The following ST8SIA6 variants were observed in gnomAD, a reference collection of about 807,000 sequenced individuals.
The protein encoded by ST8SIA6 is ST8 alpha-N-acetyl-neuraminide alpha-2,8-sialyltransferase 6, also known as alpha-2,8-sialyltransferase 8F.
In ST8SIA6, 39 loss-of-function variants were observed where a neutral mutation model predicts 33.6. The observed-to-expected ratio is 1.16, with a 90% confidence interval of 0.90 to 1.52. The LOEUF (loss-of-function observed/expected upper bound fraction) is 1.52. Among genes scored for constraint, ST8SIA6 ranks in the 40% most tolerant of loss-of-function variants. The pLI, the probability that ST8SIA6 is intolerant of heterozygous loss-of-function variation, is 0.00. For missense variants in ST8SIA6, 441 were observed against 443.8 expected, an observed-to-expected ratio of 0.99 and a Z score of 0.06; for synonymous variants, 172 against 167.2, an observed-to-expected ratio of 1.03 and a Z score of -0.22.
At chr10:17,452,787 G>A (rs542696837) in intron 2 of ST8SIA6, among the ~76,000 whole-genome samples, 2 of 152,118 alleles carry the variant, frequency 1.3e-5, no homozygotes, top group Non-Finnish European at 2.9e-5. Flanking sequence ...TGTTTTTGTG[G>A]GGGGAGGGGA....
intron 2 of ST8SIA6, among the ~76,000 whole-genome samples, chr10:17,399,696 G>A (rs1353688379): frequency 1.3e-5 from 2 of 151,774 alleles, no homozygotes; most frequent in East Asian, 2.0e-4. Flanking sequence ...GTAGGGGAGG[G>A]TCTTGAGCCT....
At chr10:17,324,173 G>C (rs1848051178) in intron 6 of ST8SIA6, among the ~76,000 whole-genome samples, 1 of 152,126 alleles carries the variant, frequency 6.6e-6, no homozygotes, top group Admixed American at 6.5e-5. Context: ...TGAATTTCAA[G>C]TAGTAAGGCT....
intron 2 of ST8SIA6, among the ~76,000 whole-genome samples, chr10:17,399,474 GC>G (rs1379733419): frequency 1.3e-5 from 2 of 152,098 alleles, no homozygotes; most frequent in Non-Finnish European, 2.9e-5. Context: ...GCTTAAAATT[GC>G]AAAAATGTCT....
intron 2 of ST8SIA6, among the ~76,000 whole-genome samples, chr10:17,400,711 C>A (rs1381891408): frequency 2.0e-5 from 3 of 152,132 alleles, no homozygotes; most frequent in African/African-American, 7.2e-5. Context: ...CAGAAAAGGC[C>A]TTTGACAAAA....
At chr10:17,400,681 C>T (rs60976583) in intron 2 of ST8SIA6, among the ~76,000 whole-genome samples, 8,164 of 152,224 alleles carry the variant, frequency 0.054, 737 homozygotes, top group African/African-American at 0.18. Flanking sequence ...ACAAAAACCA[C>T]ATGATTATCT....
intron 2 of ST8SIA6, among the ~76,000 whole-genome samples, chr10:17,421,612 G>C (rs889528734): frequency 2.6e-5 from 4 of 152,032 alleles, no homozygotes; most frequent in Non-Finnish European, 5.9e-5. Flanking sequence ...GCTCAGGCTA[G>C]AGTGTAGTGG....
At chr10:17,334,620 A>G (rs2131589831) in intron 4 of ST8SIA6, among the ~76,000 whole-genome samples, 1 of 151,930 alleles carries the variant, frequency 6.6e-6, no homozygotes, top group South Asian at 2.1e-4. Flanking sequence ...TCACTAAAAC[A>G]ATACATAATC....
chr10:17,419,569 G>A (rs373122095), intron 2 of ST8SIA6, among the ~76,000 whole-genome samples: 2 of 152,106 alleles, frequency 1.3e-5, no homozygotes, highest in East Asian at 3.9e-4. Context: ...AAAAAATAAC[G>A]ACTCCACACA....
intron 5 of ST8SIA6, among the ~76,000 whole-genome samples, chr10:17,329,654 G>A (rs866343822): frequency 6.6e-6 from 1 of 152,148 alleles, no homozygotes; most frequent in Middle Eastern, 3.2e-3. Flanking sequence ...ATTACTGAAG[G>A]AAACATATCT....
intron 3 of ST8SIA6, among the ~76,000 whole-genome samples, chr10:17,371,072 T>C (rs1462002844): frequency 6.6e-6 from 1 of 152,168 alleles, no homozygotes; most frequent in Admixed American, 6.5e-5. Flanking sequence ...GATTTGAAGG[T>C]AGCCAATAAG....
rs375005223 is a variant in ST8SIA6, at chr10:17,426,654, C to T, written c.200+26905G>A. ...GTGGAAGTTGACTTGCAAGCACTTTCGTTGTAAGACCTGAGGGGCTACGGG... is the reference window on the plus strand; with the variant it reads ...GTGGAAGTTGACTTGCAAGCACTTTTGTTGTAAGACCTGAGGGGCTACGGG... On this transcript the variant is annotated intron_variant, in intron 2 of 7. Coordinates refer to ENST00000377602, the MANE Select transcript of ST8SIA6 (RefSeq NM_001004470.3). Among the ~76,000 whole-genome samples the T allele has an allele frequency of 2.4e-3, 361 of 152,304 alleles. 2 individuals are homozygous for T. The highest frequency in any genetic ancestry group is 4.1e-3 in the Non-Finnish European group (277 of 68,028).
Position 17,454,109 on chromosome 10 carries a change from G to GGCGGGGCGCGCGGC in ST8SIA6, c.101+32_101+45dup, listed in dbSNP as rs1320419792. 1 of 258,696 alleles carries GGCGGGGCGCGCGGC rather than the reference G, an allele frequency of 3.9e-6. No homozygotes were observed. The highest frequency in any genetic ancestry group is 2.3e-5 in the African/African-American group (1 of 44,228). 16.0% of individuals were successfully genotyped at this position (258,696 alleles called of 1,614,324 possible). Reference sequence around the variant, plus strand: ...GCGGCTTGGGGGTCCGGGGGCGCCAGGCGGGGCGCGCGGCGCGGGGCGCGG... The same window carrying GGCGGGGCGCGCGGC: ...GCGGCTTGGGGGTCCGGGGGCGCCAGGCGGGGCGCGCGGCGCGGGGCGCGCGGCGCGGGGCGCGG... On this transcript the variant is annotated intron_variant, in intron 1 of 7. Transcript: ENST00000377602. This position sits in a 1 kb window ranked among gnomAD's most constrained non-coding sequence, Gnocchi z 4.1.
At chr10:17,401,512 G>A (rs532264300) in intron 2 of ST8SIA6, among the ~76,000 whole-genome samples, 23 of 152,202 alleles carry the variant, frequency 1.5e-4, no homozygotes, top group South Asian at 4.1e-4. Context: ...GAAGCATCAC[G>A]CTACCTGACT....
intron 2 of ST8SIA6, among the ~76,000 whole-genome samples, chr10:17,430,855 ATTCC>A (rs1480639107): frequency 2.0e-5 from 3 of 152,070 alleles, no homozygotes; most frequent in African/African-American, 7.2e-5. Context: ...TCTGCTGATT[ATTCC>A]TTTTATGTTC....
At chr10:17,369,965 G>A (rs1041797221) in intron 3 of ST8SIA6, among the ~76,000 whole-genome samples, 16 of 148,522 alleles carry the variant, frequency 1.1e-4, no homozygotes, top group African/African-American at 3.9e-4. Context: ...ATTGGATCAT[G>A]TTTTTAATTC....
chr10:17,437,651 TTCCTTCC>T (rs879465727), intron 2 of ST8SIA6, among the ~76,000 whole-genome samples: 2,009 of 143,684 alleles, frequency 0.014, 70 homozygotes, highest in Admixed American at 0.068. Flanking sequence ...CCTTCCTTCC[TTCCTTCC>T]TTCCTTCTGT....
Position 17,321,026 on chromosome 10 carries a change from A to G in ST8SIA6, c.1049T>C (p.Val350Ala), listed in dbSNP as rs753062683. 4 of 1,614,066 alleles carry G rather than the reference A, an allele frequency of 2.5e-6. No homozygotes were observed. In the Admixed American group the frequency reaches 6.7e-5, roughly 27 times the overall value. ...LYGFWPFSKT[V>A]EDIPVSHHYY... ...GTGATGGCTGACAGGTATGTCTTCTACAGTTTTAGAGAAGGGCCAGAATCC... is the reference window on the plus strand; with the variant it reads ...GTGATGGCTGACAGGTATGTCTTCTGCAGTTTTAGAGAAGGGCCAGAATCC... The change falls in exon 8 of 8, where the codon GTA (valine) becomes GCA (alanine). Residue 350 changes from valine to alanine, a missense_variant. By Grantham distance (64) the Val-to-Ala change is moderately conservative (BLOSUM62 0). Transcript: ENST00000377602.
At chr10:17,420,905 G>A (rs969855489) in intron 2 of ST8SIA6, among the ~76,000 whole-genome samples, 2 of 152,162 alleles carry the variant, frequency 1.3e-5, no homozygotes, top group African/African-American at 4.8e-5. Context: ...CTTCTAACAG[G>A]GCAGCAGGAG....
intron 5 of ST8SIA6, among the ~76,000 whole-genome samples, chr10:17,330,584 T>G (rs1485338803): frequency 6.6e-6 from 1 of 152,196 alleles, no homozygotes; most frequent in Non-Finnish European, 1.5e-5. Flanking sequence ...CAACAAAAAT[T>G]AGCTGAAAGA....
Sources: allele counts gnomAD v4.1 joint callset (sites outside exome capture counted in the v4.1 genomes callset), GRCh38; gene constraint gnomAD v4.1.1; non-coding constraint Gnocchi (gnomAD v3.1); transcripts MANE v1.5; gene names NCBI Gene and HGNC (gene_info 2026-07-23, HGNC 2026-07-21).